ACOT12: variants seen among roughly 807,000 people sequenced by gnomAD.
ACOT12 encodes acyl-CoA thioesterase 12.
A neutral mutation model predicts 67.7 loss-of-function variants in ACOT12; 51 were observed. The ratio of observed to expected loss-of-function variants is 0.75; its 90% CI spans 0.60 to 0.95. The LOEUF is 0.95. Among genes scored for constraint, ACOT12 ranks in the 40% least tolerant of loss-of-function variants. The probability of loss-of-function intolerance (pLI) is 0.00; values close to 1 mark genes in which losing one functional copy is unlikely to be tolerated. For missense variants in ACOT12, 734 were observed against 708.1 expected, an observed-to-expected ratio of 1.04 and a Z score of -0.41; for synonymous variants, 251 against 244.6, an observed-to-expected ratio of 1.03 and a Z score of -0.24.
rs76656469 is a variant in ACOT12 at position 81,348,019 on chromosome 5, C to T, written c.497-89G>A. On this transcript the variant is annotated intron_variant, in intron 5 of 14. Coordinates refer to ENST00000307624, the MANE Select transcript of ACOT12 (RefSeq NM_130767.3). Reference sequence around the variant, plus strand: ...TTCCTTCCCGGCAGTACATTCAACTCGGATTTATAGAAAAATTAAAGTGTT... The same window carrying T: ...TTCCTTCCCGGCAGTACATTCAACTTGGATTTATAGAAAAATTAAAGTGTT... The T allele has an allele frequency of 3.9e-3, 5,450 of 1,400,560 alleles. 177 individuals are homozygous for T. In the African/African-American group the frequency reaches 0.069, roughly 18 times the overall value. 86.8% of individuals were successfully genotyped at this position (1,400,560 alleles called of 1,614,324 possible).
chr5:81,308,998 T>C, the ACOT12 span: 1 of 1,613,354 alleles, frequency 6.2e-7, no homozygotes, highest in South Asian at 1.1e-5. Flanking sequence ...GGCACCTGTC[T>C]AGATCTTGTC....
At chr5:81,311,402 T>C in the ACOT12 span, 1 of 999,998 alleles carries the variant, frequency 1.0e-6, no homozygotes, top group Non-Finnish European at 1.5e-6. Context: ...GTTTTCCTAC[T>C]GTAGCAATGA....
chr5:81,370,858 C>G (rs1342053037), intron 3 of ACOT12, among the ~76,000 whole-genome samples: 1 of 152,144 alleles, frequency 6.6e-6, no homozygotes, highest in African/African-American at 2.4e-5. Context: ...TCCTGAGCAA[C>G]CTGGGAGGTA....
In ACOT12 at chr5:81,345,991, C is replaced by A; in HGVS notation, c.667G>T (p.Ala223Ser). The change falls in exon 7 of 15, where the codon GCT (alanine) becomes TCT (serine). Residue 223 changes from alanine (A) to serine (S), a missense_variant. Transcript: ENST00000307624. Reference protein sequence around the residue: ...ATISASRLCWAHPFLKSVDMF... With the variant: ...ATISASRLCWSHPFLKSVDMF... Reference sequence around the variant, plus strand: ...TCTACGGACTTCAGAAAGGGATGAGCCCAACACAGGCGGCTGGGGAGACAA... The same window carrying A: ...TCTACGGACTTCAGAAAGGGATGAGACCAACACAGGCGGCTGGGGAGACAA... The A allele has an allele frequency of 6.2e-7, 1 of 1,613,810 alleles. No homozygotes were observed.
chr5:81,312,887 T>C, the ACOT12 span: 1 of 315,950 alleles, frequency 3.2e-6, no homozygotes, highest in Non-Finnish European at 5.9e-6. Context: ...ATGAATTCTC[T>C]AAAAGAACAT....
At chr5:81,317,887 A>AC in the ACOT12 span, among the ~76,000 whole-genome samples, 1 of 134,802 alleles carries the variant, frequency 7.4e-6, no homozygotes, top group Non-Finnish European at 1.6e-5. Flanking sequence ...TAGGTTCACA[A>AC]TTTTTTTTTT....
chr5:81,350,082 A>G lies in ACOT12; in HGVS notation c.497-2152T>C, dbSNP rs778454397. On this transcript the variant is annotated intron_variant, in intron 5 of 14. Transcript: ENST00000307624. ...AATGTCTCTTTATATCATTTGCTTC[A>G]AATATTGCTTGTCTCATTTCCGGAG... Among the ~76,000 whole-genome samples the G allele has an allele frequency of 5.0e-4, 76 of 152,250 alleles. 2 individuals are homozygous for G. The highest frequency in any genetic ancestry group is 1.5e-3 in the South Asian group (7 of 4,824).
At chr5:81,345,076 G>T (rs747893459) in intron 7 of ACOT12, 35 bp from the exon 8 acceptor site, 2 of 1,610,362 alleles carry the variant, frequency 1.2e-6, no homozygotes, top group South Asian at 1.1e-5. Context: ...GGGCAAAGAG[G>T]ATCTTGACCC....
At chr5:81,352,398 A>G (rs1759580541) in intron 5 of ACOT12, among the ~76,000 whole-genome samples, 1 of 152,230 alleles carries the variant, frequency 6.6e-6, no homozygotes, top group Admixed American at 6.5e-5. Flanking sequence ...AATATGATAC[A>G]TATACACAAC....
the ACOT12 span, among the ~76,000 whole-genome samples, chr5:81,315,534 T>C: frequency 2.0e-5 from 3 of 152,206 alleles, no homozygotes; most frequent in Non-Finnish European, 4.4e-5. Flanking sequence ...ATGCTTGGAA[T>C]GTATGAAGCA....
At chr5:81,358,848 TCAAAGAAAAAAAAAAAAA>T in intron 5 of ACOT12, among the ~76,000 whole-genome samples, 1 of 139,758 alleles carries the variant, frequency 7.2e-6, no homozygotes, top group East Asian at 1.9e-4. Context: ...AAACTCTGTC[TCAAAGAAAAAAAAAAAAA>T]TCAAGTTGGT....
At chr5:81,376,581 T>C (rs1452963561) in intron 2 of ACOT12, among the ~76,000 whole-genome samples, 1 of 151,830 alleles carries the variant, frequency 6.6e-6, no homozygotes, top group African/African-American at 2.4e-5. Flanking sequence ...AGCAAATAGA[T>C]AGACCCCTAT....
intron 4 of ACOT12, among the ~76,000 whole-genome samples, chr5:81,361,716 G>C (rs537695367): frequency 2.6e-5 from 4 of 152,324 alleles, no homozygotes; most frequent in East Asian, 1.9e-4. Context: ...GCCTGTGCTT[G>C]CTTTCTCCCT....
intron 5 of ACOT12, among the ~76,000 whole-genome samples, chr5:81,352,565 G>C (rs1322129377): frequency 6.6e-6 from 1 of 152,012 alleles, no homozygotes; most frequent in East Asian, 1.9e-4. Flanking sequence ...CAAAACAATT[G>C]AACTCATGGA....
chr5:81,308,631 T>G, the ACOT12 span: 1 of 1,613,884 alleles, frequency 6.2e-7, no homozygotes, highest in Non-Finnish European at 8.5e-7. Flanking sequence ...AATCAAGACA[T>G]GGGCACTGGG....
the ACOT12 span, among the ~76,000 whole-genome samples, chr5:81,310,157 T>TAAAAAAAAAAAAAAAAAAAGA: frequency 9.5e-6 from 1 of 104,776 alleles, no homozygotes; most frequent in African/African-American, 4.0e-5. Context: ...TGACTAGCTG[T>TAAAAAAAAAAAAAAAAAAAGA]AAAAAAAAAA....
At chr5:81,363,717 TAACA>T in intron 4 of ACOT12, 67 bp downstream of exon 4, 2 of 1,153,172 alleles carry the variant, frequency 1.7e-6, no homozygotes, top group Admixed American at 2.5e-5. Context: ...TTTTTTTCTA[TAACA>T]TTCTGATGCA....
chr5:81,393,337 T>TTTAAAAATAA (rs1760912635), intron 1 of ACOT12, among the ~76,000 whole-genome samples: 1 of 152,216 alleles, frequency 6.6e-6, no homozygotes, highest in African/African-American at 2.4e-5. Context: ...CCATTTCTTT[T>TTTAAAAATAA]TTAAAAATAA....
intron 1 of ACOT12, among the ~76,000 whole-genome samples, chr5:81,386,994 C>CTTTGTTTTT (rs1052387807): frequency 7.8e-6 from 1 of 128,480 alleles, no homozygotes; most frequent in Admixed American, 7.9e-5. Flanking sequence ...GGATGAGTTC[C>CTTTGTTTTT]ATTTTTTTTT....
Sources: allele counts gnomAD v4.1 joint callset (sites outside exome capture counted in the v4.1 genomes callset), GRCh38; gene constraint gnomAD v4.1.1; transcripts MANE v1.5; gene names NCBI Gene and HGNC (gene_info 2026-07-23, HGNC 2026-07-21).